Variants in MAGI1 observed in about 807,000 individuals in gnomAD.
MAGI1 encodes the protein membrane-associated guanylate kinase, WW and PDZ domain-containing protein 1.
In MAGI1, 58 loss-of-function variants were observed where a neutral mutation model predicts 139.9. The ratio of observed to expected loss-of-function variants is 0.41; its 90% CI spans 0.34 to 0.52. MAGI1 has a LOEUF of 0.52. MAGI1 is among the 20% of genes least tolerant of loss of function. The pLI, the probability that MAGI1 is intolerant of heterozygous loss-of-function variation, is 0.12. For synonymous variants in MAGI1, 812 were observed against 737.9 expected (o/e 1.10, Z -1.63); for missense variants, 1,874 against 1,901.6 (o/e 0.99, Z 0.27).
intron 21 of MAGI1, among the ~76,000 whole-genome samples, chr3:65,362,646 A>C (rs1940986290): frequency 6.6e-6 from 1 of 152,216 alleles, no homozygotes; most frequent in African/African-American, 2.4e-5. Context: ...GCTTAAGTGC[A>C]AGTGTTACGA....
intron 12 of MAGI1, among the ~76,000 whole-genome samples, chr3:65,404,793 T>C (rs1015771466): frequency 2.6e-5 from 4 of 152,180 alleles, no homozygotes; most frequent in African/African-American, 9.7e-5. Context: ...AGCGAGTATG[T>C]AACTGGTTAA....
chr3:65,457,990 T>C (rs1231521738), intron 5 of MAGI1, among the ~76,000 whole-genome samples: 2 of 152,182 alleles, frequency 1.3e-5, no homozygotes, highest in African/African-American at 4.8e-5. Context: ...CATTCTACTC[T>C]ACCTCCATGG....
chr3:65,367,297 TTTTA>T (rs545016010), intron 18 of MAGI1, among the ~76,000 whole-genome samples: 256 of 152,326 alleles, frequency 1.7e-3, no homozygotes, highest in Non-Finnish European at 2.9e-3. Flanking sequence ...CTCAAATTAT[TTTTA>T]TTTTTCTGCT....
intron 1 of MAGI1, among the ~76,000 whole-genome samples, chr3:65,949,801 G>A (rs1362745084): frequency 6.6e-6 from 1 of 151,820 alleles, no homozygotes; most frequent in Non-Finnish European, 1.5e-5. Flanking sequence ...AACTAGATTG[G>A]GGCTGGGCAC....
chr3:65,785,216 G>T (rs2039287250), intron 1 of MAGI1, among the ~76,000 whole-genome samples: 1 of 152,050 alleles, frequency 6.6e-6, no homozygotes, highest in African/African-American at 2.4e-5. Flanking sequence ...GGAAGTAGGT[G>T]TTTTAAGAAG....
chr3:65,467,388 G>C (rs1950240391), intron 5 of MAGI1, among the ~76,000 whole-genome samples: 1 of 152,180 alleles, frequency 6.6e-6, no homozygotes, highest in Non-Finnish European at 1.5e-5. Flanking sequence ...AAAAAGAAGT[G>C]TTTCGGAATG....
chr3:65,766,988 C>G (rs2037539191), intron 1 of MAGI1, among the ~76,000 whole-genome samples: 1 of 152,172 alleles, frequency 6.6e-6, no homozygotes, highest in African/African-American at 2.4e-5. Flanking sequence ...AAACTACCGT[C>G]TTGGGCAGGT....
chr3:65,991,503 C>T (rs1433449399), intron 1 of MAGI1, among the ~76,000 whole-genome samples: 4 of 152,002 alleles, frequency 2.6e-5, no homozygotes, highest in Non-Finnish European at 4.4e-5. Context: ...CAGAACCAGA[C>T]GTCGCTTTTT....
At chr3:65,958,968 C>G (rs1348323142) in intron 1 of MAGI1, among the ~76,000 whole-genome samples, 4 of 151,668 alleles carry the variant, frequency 2.6e-5, no homozygotes, top group African/African-American at 9.7e-5. Flanking sequence ...GCTTGGCCAA[C>G]TGAGTGAGAC....
chr3:65,711,456 A>T (rs527420597), intron 1 of MAGI1, among the ~76,000 whole-genome samples: 40 of 151,712 alleles, frequency 2.6e-4, no homozygotes, highest in Admixed American at 2.3e-3. Context: ...TATATCCATA[A>T]CAAGAAATAC....
chr3:65,691,339 T>C (rs550082140), intron 1 of MAGI1, among the ~76,000 whole-genome samples: 2 of 145,568 alleles, frequency 1.4e-5, no homozygotes, highest in Non-Finnish European at 3.1e-5. Context: ...AAAAAGGGGT[T>C]TCAGAGCAAA....
intron 1 of MAGI1, among the ~76,000 whole-genome samples, chr3:65,805,477 T>C (rs899235584): frequency 1.3e-5 from 2 of 152,326 alleles, no homozygotes; most frequent in Non-Finnish European, 2.9e-5. Flanking sequence ...GGAATGCTTT[T>C]ACAGTGTTGG....
At chr3:65,924,677 G>A (rs2062402470) in intron 1 of MAGI1, among the ~76,000 whole-genome samples, 1 of 152,124 alleles carries the variant, frequency 6.6e-6, no homozygotes, top group Non-Finnish European at 1.5e-5. Context: ...CACTAAACCT[G>A]TCTCTGGTCA....
chr3:65,698,224 G>C (rs2089351543), intron 1 of MAGI1, among the ~76,000 whole-genome samples: 1 of 129,248 alleles, frequency 7.7e-6, no homozygotes, highest in African/African-American at 3.2e-5. Flanking sequence ...GGAAATAAAA[G>C]AGGATACAAA....
At chr3:65,983,490 G>T (rs992041008) in intron 1 of MAGI1, among the ~76,000 whole-genome samples, 2 of 152,186 alleles carry the variant, frequency 1.3e-5, no homozygotes, top group Non-Finnish European at 2.9e-5. Context: ...TGGATGAAAA[G>T]AATTTCAACA....
chr3:65,583,783 G>A (rs1392184000), intron 2 of MAGI1, among the ~76,000 whole-genome samples: 1 of 152,078 alleles, frequency 6.6e-6, no homozygotes, highest in Non-Finnish European at 1.5e-5. Context: ...TTTAAATGAA[G>A]AAGAACTAAA....
chr3:65,369,931 A>G (rs9883580), intron 18 of MAGI1, among the ~76,000 whole-genome samples: 22,352 of 152,090 alleles, frequency 0.15, 3,232 homozygotes, highest in East Asian at 0.41. Context: ...TCGAGTAAAA[A>G]ATCTGAAAGA....
At chr3:65,864,773 G>A (rs62245694) in intron 1 of MAGI1, among the ~76,000 whole-genome samples, 6,525 of 152,226 alleles carry the variant, frequency 0.043, 206 homozygotes, top group Non-Finnish European at 0.061. Flanking sequence ...GACTAATATG[G>A]AAGTCCTGCC....
At position 65,652,241 on chromosome 3, in the gene MAGI1, G is replaced by A. The variant is rs529410687; in HGVS notation, c.314-30153C>T. Among the ~76,000 whole-genome samples the A allele has an allele frequency of 2.0e-5, 3 of 152,154 alleles. No individual in the cohort carries two copies. In the East Asian group the frequency reaches 5.8e-4, roughly 29 times the overall value. On this transcript the variant is annotated intron_variant, in intron 1 of 22. Coordinates refer to ENST00000402939, the MANE Select transcript of MAGI1 (RefSeq NM_001033057.2). Reference sequence around the variant, plus strand: ...AATTTTTGTTTTCACTTCTAGATATGTTGCCATTGCCATTATTTAAATGTT... The same window carrying A: ...AATTTTTGTTTTCACTTCTAGATATATTGCCATTGCCATTATTTAAATGTT...
Sources: gnomAD v4.1 joint callset for allele counts (sites outside exome capture counted in the v4.1 genomes callset) on GRCh38, gnomAD v4.1.1 for gene constraint, MANE v1.5 for transcripts, NCBI Gene and HGNC (gene_info 2026-07-23, HGNC 2026-07-21) for gene names.